The following ZNF680 variants were observed in gnomAD, a reference collection of about 807,000 sequenced individuals.
ZNF680 encodes zinc finger protein 680, also known as hypothetical protein FLJ90430.
ZNF680 carries 6 observed loss-of-function variants against 12.1 expected under a neutral mutation model. That is an observed-to-expected ratio of 0.49 (90% CI 0.27 to 0.98). The LOEUF is 0.98. Among genes scored for constraint, ZNF680 ranks in the 50% least tolerant of loss-of-function variants. The pLI, the probability that ZNF680 is intolerant of heterozygous loss-of-function variation, is 0.12. For missense variants in ZNF680, 561 were observed against 616.3 expected, an observed-to-expected ratio of 0.91 and a Z score of 0.95; for synonymous variants, 170 against 199.3, an observed-to-expected ratio of 0.85 and a Z score of 1.24.
At chr7:64,500,530 G>A in the ZNF680 span, among the ~76,000 whole-genome samples, 7,655 of 152,090 alleles carry the variant, frequency 0.05, 286 homozygotes, top group East Asian at 0.17. Context: ...TAAATAAGAC[G>A]GCACAGAAAA....
downstream of ZNF680, among the ~76,000 whole-genome samples, chr7:64,519,484 G>T (rs73128759): frequency 4.9e-4 from 75 of 151,522 alleles, no homozygotes; most frequent in African/African-American, 1.7e-3. Context: ...CCCACTACTG[G>T]GTATCTATCC....
the ZNF680 span, among the ~76,000 whole-genome samples, chr7:64,504,741 A>G: frequency 6.6e-6 from 1 of 152,300 alleles, no homozygotes; most frequent in Middle Eastern, 3.4e-3. Context: ...TTGCACATAA[A>G]TGCTTTCCAC....
chr7:64,554,110 T>G (rs1203473104), intron 1 of ZNF680, among the ~76,000 whole-genome samples: 3 of 134,506 alleles, frequency 2.2e-5, no homozygotes, highest in Admixed American at 7.4e-5. Flanking sequence ...GAGCGCCTCT[T>G]CCCGGCCGTC....
At chr7:64,510,861 G>T in the ZNF680 span, among the ~76,000 whole-genome samples, 1 of 85,988 alleles carries the variant, frequency 1.2e-5, no homozygotes, top group Non-Finnish European at 2.4e-5. Flanking sequence ...AGTGAGCCGA[G>T]ATCCCGCCAC....
intron 1 of ZNF680, among the ~76,000 whole-genome samples, chr7:64,550,834 G>A (rs940155617): frequency 2.0e-5 from 3 of 151,098 alleles, no homozygotes; most frequent in African/African-American, 4.8e-5. Flanking sequence ...AGAGGGAAAG[G>A]CCCCTCTAGA....
the ZNF680 span, chr7:64,501,577 G>T: frequency 3.9e-6 from 3 of 762,674 alleles, no homozygotes; most frequent in African/African-American, 3.4e-5. Context: ...AAGTCTGAGG[G>T]GGGCGCAGAT....
chr7:64,504,726 C>CCACATTG, the ZNF680 span, among the ~76,000 whole-genome samples: 10 of 152,284 alleles, frequency 6.6e-5, no homozygotes, highest in African/African-American at 2.4e-4. Context: ...AGGAAGTGCA[C>CCACATTG]CACATTGCAC....
chr7:64,500,101 T>G, the ZNF680 span, among the ~76,000 whole-genome samples: 1 of 152,156 alleles, frequency 6.6e-6, no homozygotes, highest in Non-Finnish European at 1.5e-5. Context: ...CTCGGCCAGC[T>G]GCCCCCCTAG....
At chr7:64,524,298 C>T (rs965271953) in intron 3 of ZNF680, among the ~76,000 whole-genome samples, 4 of 151,968 alleles carry the variant, frequency 2.6e-5, no homozygotes, top group African/African-American at 9.7e-5. Context: ...CAGGCACCCA[C>T]CACCATACCC....
At chr7:64,537,023 T>C (rs924744717) in intron 3 of ZNF680, among the ~76,000 whole-genome samples, 13 of 152,182 alleles carry the variant, frequency 8.5e-5, no homozygotes, top group East Asian at 5.8e-4. Context: ...TGAGCCAAAA[T>C]TATGCCACTG....
chr7:64,531,099 C>T (rs938964414), intron 3 of ZNF680, among the ~76,000 whole-genome samples: 9 of 151,886 alleles, frequency 5.9e-5, no homozygotes, highest in African/African-American at 1.9e-4. Flanking sequence ...AAAGAAACAA[C>T]GGACTTAAAC....
chr7:64,514,031 T>G, the ZNF680 span, among the ~76,000 whole-genome samples: 4 of 152,130 alleles, frequency 2.6e-5, no homozygotes, highest in Admixed American at 2.6e-4. Context: ...ACAAATAACT[T>G]ACGGTAATTT....
chr7:64,502,151 G>A, the ZNF680 span, among the ~76,000 whole-genome samples: 2 of 151,504 alleles, frequency 1.3e-5, no homozygotes, highest in Non-Finnish European at 2.9e-5. Context: ...TTGCAGGCGC[G>A]TGCTACCAAG....
At chr7:64,555,878 T>A (rs1251105457) in intron 1 of ZNF680, among the ~76,000 whole-genome samples, 1 of 152,014 alleles carries the variant, frequency 6.6e-6, no homozygotes, top group Non-Finnish European at 1.5e-5. Context: ...TGAACACTTC[T>A]ATGCACATGA....
At chr7:64,554,777 T>C (rs1054250867) in intron 1 of ZNF680, among the ~76,000 whole-genome samples, 1 of 152,122 alleles carries the variant, frequency 6.6e-6, no homozygotes, top group Non-Finnish European at 1.5e-5. Context: ...GTTAAACAGA[T>C]GCTTGAAGGC....
the ZNF680 span, among the ~76,000 whole-genome samples, chr7:64,510,940 AATAAAAAT>A: frequency 3.4e-5 from 2 of 58,566 alleles, no homozygotes; most frequent in African/African-American, 1.1e-4. Flanking sequence ...AAAAAATAAA[AATAAAAAT>A]AAAAATAAAA....
chr7:64,512,251 C>A, the ZNF680 span, among the ~76,000 whole-genome samples: 1 of 151,662 alleles, frequency 6.6e-6, no homozygotes, highest in East Asian at 1.9e-4. Context: ...AGATCGAGAT[C>A]ATCCTGGCCA....
intron 3 of ZNF680, among the ~76,000 whole-genome samples, chr7:64,531,581 A>G (rs1027912070): frequency 1.2e-4 from 17 of 136,130 alleles, no homozygotes; most frequent in Non-Finnish European, 2.3e-4. Context: ...TGGGCAACAC[A>G]GTGAGACTCC....
At chr7:64,547,457 G>A (rs1001044527) in intron 1 of ZNF680, among the ~76,000 whole-genome samples, 7 of 152,324 alleles carry the variant, frequency 4.6e-5, no homozygotes, top group Non-Finnish European at 7.3e-5. Flanking sequence ...ATGTACTAGC[G>A]TAACGTTTAT....
Sources: allele counts gnomAD v4.1 joint callset (sites outside exome capture counted in the v4.1 genomes callset), GRCh38; gene constraint gnomAD v4.1.1; transcripts MANE v1.5; gene names NCBI Gene and HGNC (gene_info 2026-07-23, HGNC 2026-07-21).